The following GPC6 variants were observed in gnomAD, a reference collection of about 807,000 sequenced individuals.
GPC6 encodes the protein glypican 6, also known as glypican-6.
In GPC6, 14 loss-of-function variants were observed where a neutral mutation model predicts 55.2. The observed-to-expected ratio is 0.25, with a 90% CI of 0.17 to 0.40. The LOEUF is 0.40. GPC6 is among the 10% of genes least tolerant of loss of function. The pLI is 1.00. For synonymous variants in GPC6, 278 were observed against 259.6 expected, an observed-to-expected ratio of 1.07 and a Z score of -0.68; for missense variants, 641 against 708.5, an observed-to-expected ratio of 0.90 and a Z score of 1.08.
chr13:94,214,412 A>G (rs1322459413), intron 4 of GPC6, among the ~76,000 whole-genome samples: 1 of 152,208 alleles, frequency 6.6e-6, no homozygotes, highest in Non-Finnish European at 1.5e-5. Context: ...AATTTAATTA[A>G]TATATCAACA....
At chr13:94,013,208 ATGTG>A (rs1594665830) in intron 3 of GPC6, among the ~76,000 whole-genome samples, 1 of 108,846 alleles carries the variant, frequency 9.2e-6, no homozygotes, top group African/African-American at 3.1e-5. Context: ...TTGTGTGTGC[ATGTG>A]TGTATGTATA....
chr13:93,648,970 T>C (rs74111520), intron 2 of GPC6, among the ~76,000 whole-genome samples: 21 of 152,322 alleles, frequency 1.4e-4, no homozygotes, highest in African/African-American at 5.1e-4. Flanking sequence ...CTTTGACCCA[T>C]AGCATTTTTA....
At position 94,157,948 on chromosome 13, in the gene GPC6, C is replaced by T. The variant is rs140247958; in HGVS notation, c.878-128401C>T. Among the ~76,000 whole-genome samples the T allele has an allele frequency of 8.5e-5, 13 of 152,232 alleles. No individual in the cohort carries two copies. In the East Asian group the frequency reaches 2.1e-3, roughly 25 times the overall value. On this transcript the variant is annotated intron_variant, in intron 4 of 8. Coordinates refer to ENST00000377047, the MANE Select transcript of GPC6 (RefSeq NM_005708.5). Reference sequence around the variant, plus strand: ...TAACTGAGAGCTCAACATGGGGAGGCTGGGAAGATGGAAATTACCATGGAC... The same window carrying T: ...TAACTGAGAGCTCAACATGGGGAGGTTGGGAAGATGGAAATTACCATGGAC...
intron 3 of GPC6, among the ~76,000 whole-genome samples, chr13:93,886,841 TC>T (rs1212793213): frequency 6.6e-6 from 1 of 152,052 alleles, no homozygotes; most frequent in East Asian, 1.9e-4. Flanking sequence ...TTCTCAAACT[TC>T]AATTTTAGTC....
In GPC6 at chr13:93,878,286, A is replaced by T. The variant is rs138167971; in HGVS notation, c.711+47741A>T. Among the ~76,000 whole-genome samples the T allele has an allele frequency of 3.8e-3, 583 of 152,182 alleles. 3 individuals carry two copies. Among genetic ancestry groups the T allele is most frequent in the African/African-American group, 0.014 (567 of 41,542 alleles). On this transcript the variant is annotated intron_variant, in intron 3 of 8. Coordinates refer to ENST00000377047, the MANE Select transcript of GPC6 (RefSeq NM_005708.5). ...ATTAGGCCATGAGGGTTCCACCCTC[A>T]TGGATGAGATTATAAAGGTTGAGGG...
intron 4 of GPC6, among the ~76,000 whole-genome samples, chr13:94,234,959 A>G (rs767341731): frequency 3.3e-4 from 50 of 152,172 alleles, no homozygotes; most frequent in Non-Finnish European, 1.3e-4. Flanking sequence ...GGTTGGGGAA[A>G]AGGGAAATGA....
intron 4 of GPC6, among the ~76,000 whole-genome samples, chr13:94,173,879 C>T (rs1888657815): frequency 6.6e-6 from 1 of 152,174 alleles, no homozygotes; most frequent in African/African-American, 2.4e-5. Flanking sequence ...CCAATTACTG[C>T]AGCAATGTTA....
At chr13:93,630,714 A>G (rs1303590393) in intron 2 of GPC6, among the ~76,000 whole-genome samples, 2 of 152,170 alleles carry the variant, frequency 1.3e-5, no homozygotes, top group Non-Finnish European at 1.5e-5. Context: ...AAATAAATGT[A>G]TTATAATAAA....
Position 94,160,039 on chromosome 13 carries a change from G to A in GPC6, c.878-126310G>A, listed in dbSNP as rs187695251. Among the ~76,000 whole-genome samples, 215 of 152,208 alleles carry A rather than the reference G, an allele frequency of 1.4e-3. 1 individual carries two copies. The highest frequency in any genetic ancestry group is 2.4e-3 in the Non-Finnish European group (166 of 68,000). On this transcript the variant is annotated intron_variant, in intron 4 of 8. Coordinates refer to ENST00000377047, the MANE Select transcript of GPC6 (RefSeq NM_005708.5). The stretch of plus-strand genomic sequence containing the variant: ...TGTGCAGTAATCCCCCTTTATTTGA[G>A]GTTTTGTTTTCTGCAGTTTCAGTTT...
chr13:93,758,024 C>T (rs1046743722), intron 2 of GPC6, among the ~76,000 whole-genome samples: 15 of 149,790 alleles, frequency 1.0e-4, no homozygotes, highest in African/African-American at 3.6e-4. Context: ...TTCATATTTT[C>T]CCATTTTTTC....
chr13:93,357,547 T>A (rs1367722916), intron 1 of GPC6, among the ~76,000 whole-genome samples: 1 of 152,200 alleles, frequency 6.6e-6, no homozygotes, highest in Non-Finnish European at 1.5e-5. Context: ...TTTCTATTTT[T>A]AAAAATGTAA....
At chr13:94,222,330 G>T (rs1051450907) in intron 4 of GPC6, among the ~76,000 whole-genome samples, 3 of 152,042 alleles carry the variant, frequency 2.0e-5, no homozygotes, top group African/African-American at 4.8e-5. Flanking sequence ...GAAAATATTT[G>T]GAGAGAAGTC....
chr13:93,738,324 G>A (rs1884071548), intron 2 of GPC6, among the ~76,000 whole-genome samples: 1 of 152,040 alleles, frequency 6.6e-6, no homozygotes, highest in Admixed American at 6.6e-5. Context: ...AAGTTGTTCT[G>A]AATAGTGGTA....
At chr13:93,903,829 T>C (rs1876489890) in intron 3 of GPC6, among the ~76,000 whole-genome samples, 1 of 152,068 alleles carries the variant, frequency 6.6e-6, no homozygotes. Context: ...TCAGAACAAG[T>C]TCATTTCCCA....
At chr13:93,254,415 T>A (rs1432706135) in intron 1 of GPC6, among the ~76,000 whole-genome samples, 1 of 152,200 alleles carries the variant, frequency 6.6e-6, no homozygotes, top group Non-Finnish European at 1.5e-5. Flanking sequence ...TAAATATTTT[T>A]ATAACCAAAG....
rs185735537 is a variant in GPC6, at chr13:94,242,206, A to G, written c.878-44143A>G. On this transcript the variant is annotated intron_variant, in intron 4 of 8. Transcript: ENST00000377047. ...TCCTTGCGATAGTTTACTGAGAATG[A>G]TGGTTTCCAGCTTCATCCATGTCCC... Among the ~76,000 whole-genome samples, 27 of 152,124 alleles carry G rather than the reference A, an allele frequency of 1.8e-4. 1 individual carries two copies. The highest frequency in any genetic ancestry group is 5.1e-4 in the African/African-American group (21 of 41,510).
intron 1 of GPC6, among the ~76,000 whole-genome samples, chr13:93,320,145 A>T (rs1447982851): frequency 6.6e-6 from 1 of 152,190 alleles, no homozygotes; most frequent in Non-Finnish European, 1.5e-5. Flanking sequence ...TTTTACAAGA[A>T]GGGAAATATC....
intron 3 of GPC6, among the ~76,000 whole-genome samples, chr13:93,882,277 G>A (rs889180114): frequency 6.6e-6 from 1 of 151,834 alleles, no homozygotes; most frequent in Non-Finnish European, 1.5e-5. Flanking sequence ...CTCCAGAGTT[G>A]CTGGGACTAC....
At chr13:93,965,011 A>G (rs1348412186) in intron 3 of GPC6, among the ~76,000 whole-genome samples, 3 of 151,634 alleles carry the variant, frequency 2.0e-5, no homozygotes, top group Non-Finnish European at 4.4e-5. Flanking sequence ...ATTTAAAAAG[A>G]TAGTTTTCAT....
Sources: gnomAD v4.1 joint callset for allele counts (sites outside exome capture counted in the v4.1 genomes callset) on GRCh38, gnomAD v4.1.1 for gene constraint, MANE v1.5 for transcripts, NCBI Gene and HGNC (gene_info 2026-07-23, HGNC 2026-07-21) for gene names.